HHIPL1: variants seen among roughly 807,000 people sequenced by gnomAD.
HHIPL1 encodes the protein HHIP like 1.
Under a neutral mutation model 61.8 loss-of-function variants are expected in HHIPL1, and 43 were observed. The observed-to-expected ratio is 0.70, with a 90% confidence interval of 0.55 to 0.90. The LOEUF is 0.90. HHIPL1 is among the 40% of genes least tolerant of loss of function. The probability of loss-of-function intolerance (pLI) is 0.00; values close to 1 mark genes in which losing one functional copy is unlikely to be tolerated. For synonymous variants in HHIPL1, 482 were observed against 515.8 expected, an observed-to-expected ratio of 0.93 and a Z score of 0.89; for missense variants, 1,056 against 1,157.7, an observed-to-expected ratio of 0.91 and a Z score of 1.28.
At chr14:99,656,582 C>A (rs970151397) in intron 2 of HHIPL1, among the ~76,000 whole-genome samples, 1 of 151,912 alleles carries the variant, frequency 6.6e-6, no homozygotes, top group South Asian at 2.1e-4. Flanking sequence ...TTGAGACCAA[C>A]CTGGCCAACA....
chr14:99,639,823 G>A, the HHIPL1 span, among the ~76,000 whole-genome samples: 4 of 149,062 alleles, frequency 2.7e-5, no homozygotes, highest in African/African-American at 7.5e-5. Flanking sequence ...TACCACGCCC[G>A]GCTAATTTTT....
the HHIPL1 span, among the ~76,000 whole-genome samples, chr14:99,630,614 G>A: frequency 2.6e-5 from 4 of 152,228 alleles, no homozygotes; most frequent in South Asian, 2.1e-4. Context: ...AAGAGGTGAC[G>A]GAGGGGAAGG....
chr14:99,613,971 T>C, the HHIPL1 span, among the ~76,000 whole-genome samples: 1 of 151,794 alleles, frequency 6.6e-6, no homozygotes, highest in Non-Finnish European at 1.5e-5. Flanking sequence ...ACTCAGTAAA[T>C]GTTTGTTGAA....
chr14:99,620,399 C>G, the HHIPL1 span, among the ~76,000 whole-genome samples: 1 of 152,240 alleles, frequency 6.6e-6, no homozygotes, highest in African/African-American at 2.4e-5. Context: ...CCTGCCCTGA[C>G]CTGGGCTTCT....
the HHIPL1 span, among the ~76,000 whole-genome samples, chr14:99,628,034 G>A: frequency 6.6e-6 from 1 of 152,196 alleles, no homozygotes; most frequent in African/African-American, 2.4e-5. Context: ...AGAGGGGGAT[G>A]GATTGGAGGG....
rs1400007030 is a variant in HHIPL1 at position 99,668,571 on chromosome 14, G to A, written c.1730+268G>A. ...GAGGTGACTGGGGCCGCGGGCCGAGGCTTCACTTGGCTTTCTTGCCTGGCC... is the reference window on the plus strand; with the variant it reads ...GAGGTGACTGGGGCCGCGGGCCGAGACTTCACTTGGCTTTCTTGCCTGGCC... On this transcript the variant is annotated intron_variant, in intron 7 of 8. Coordinates refer to ENST00000330710, the MANE Select transcript of HHIPL1 (RefSeq NM_001127258.3). The surrounding 1 kb of genome is among the most constrained non-coding windows in gnomAD (Gnocchi z 4.7). Among the ~76,000 whole-genome samples the A allele has an allele frequency of 6.6e-6, 1 of 152,096 alleles. No homozygotes were observed. Among genetic ancestry groups the A allele is most frequent in the Non-Finnish European group, 1.5e-5 (1 of 67,994 alleles).
At chr14:99,610,585 C>A in the HHIPL1 span, among the ~76,000 whole-genome samples, 1 of 152,150 alleles carries the variant, frequency 6.6e-6, no homozygotes, top group Non-Finnish European at 1.5e-5. Flanking sequence ...CATGACAAAA[C>A]CCCCATCTCC....
rs2056285481 is a variant in HHIPL1, at chr14:99,668,624, A to G, written c.1730+321A>G. On this transcript the variant is annotated intron_variant, in intron 7 of 8. Transcript: ENST00000330710. The surrounding 1 kb of genome is among the most constrained non-coding windows in gnomAD (Gnocchi z 4.7). ...CCCTCCCTGCGTCTTCCTCCTGTCT[A>G]GCAGGCCCCTCATTCCTCATTTCCT... 6.6e-6 allele frequency among the ~76,000 whole-genome samples: 1 copy of G among 151,976 alleles called. No individual in the cohort carries two copies.
upstream of HHIPL1, among the ~76,000 whole-genome samples, chr14:99,643,941 T>G (rs1053408431): frequency 3.3e-5 from 5 of 152,238 alleles, no homozygotes; most frequent in African/African-American, 1.2e-4. Flanking sequence ...TGGGGACTGT[T>G]CCTACTGTTG....
the HHIPL1 span, among the ~76,000 whole-genome samples, chr14:99,615,712 G>GGAAA: frequency 6.7e-6 from 1 of 148,328 alleles, no homozygotes; most frequent in South Asian, 2.1e-4. Context: ...AAAGAAAGAA[G>GGAAA]GAAAGAAAGA....
At chr14:99,654,371 G>A (rs2055993800) in intron 2 of HHIPL1, among the ~76,000 whole-genome samples, 2 of 152,146 alleles carry the variant, frequency 1.3e-5, no homozygotes, top group Admixed American at 6.5e-5. Flanking sequence ...TAATTGGCCT[G>A]GGCAGGAGGA....
chr14:99,671,659 GC>G (rs1194259135), intron 7 of HHIPL1, among the ~76,000 whole-genome samples: 1 of 152,158 alleles, frequency 6.6e-6, no homozygotes, highest in East Asian at 1.9e-4. Context: ...TCCCTATTGT[GC>G]CCTTAAAAAT....
At chr14:99,613,801 C>G in the HHIPL1 span, among the ~76,000 whole-genome samples, 1 of 151,994 alleles carries the variant, frequency 6.6e-6, no homozygotes. Flanking sequence ...ATCCCAGCTA[C>G]TCAGGATGCT....
chr14:99,660,289 TGCCGATTTTC>T lies in HHIPL1; in HGVS notation c.1389_1398del (p.Ile464ThrfsTer23). 1.9e-6 allele frequency: 3 copies of T among 1,614,038 alleles called. No individual in the cohort carries two copies. Among genetic ancestry groups the T allele is most frequent in the South Asian group, 2.2e-5 (2 of 91,074 alleles). On this transcript the variant is annotated frameshift_variant, in exon 5 of 9. Transcript: ENST00000330710. LOFTEE classifies it high-confidence loss of function. The surrounding 1 kb of genome is among the most constrained non-coding windows in gnomAD (Gnocchi z 4.9). ...CCCTCCCACCCCGCAGATGACTTGC[TGCCGATTTTC>T]GCCTACCCGCACACGGTTGGCAAGT...
chr14:99,637,466 G>A, the HHIPL1 span, among the ~76,000 whole-genome samples: 1 of 149,850 alleles, frequency 6.7e-6, no homozygotes, highest in Admixed American at 6.6e-5. Context: ...CAGCTACTTG[G>A]GAGGCTGAGG....
At chr14:99,607,401 G>T in the HHIPL1 span, among the ~76,000 whole-genome samples, 5 of 152,032 alleles carry the variant, frequency 3.3e-5, no homozygotes, top group South Asian at 1.0e-3. Flanking sequence ...AGGTGCCCAG[G>T]GAAAGTAGCT....
chr14:99,671,984 G>A (rs961404518), intron 7 of HHIPL1, among the ~76,000 whole-genome samples: 7 of 152,330 alleles, frequency 4.6e-5, no homozygotes, highest in Non-Finnish European at 1.0e-4. Flanking sequence ...GGCTGTGGGA[G>A]GAGAGAGACT....
chr14:99,612,563 G>C, the HHIPL1 span, among the ~76,000 whole-genome samples: 1 of 152,184 alleles, frequency 6.6e-6, no homozygotes, highest in Non-Finnish European at 1.5e-5. Flanking sequence ...TTATAATTAC[G>C]GGGTTTACAT....
intron 6 of HHIPL1, among the ~76,000 whole-genome samples, chr14:99,664,398 T>C (rs2056207540): frequency 6.6e-6 from 1 of 152,142 alleles, no homozygotes; most frequent in African/African-American, 2.4e-5. Flanking sequence ...GTTAATGTGT[T>C]TTAGAAGCAG....
Sources: allele counts gnomAD v4.1 joint callset (sites outside exome capture counted in the v4.1 genomes callset), GRCh38; gene constraint gnomAD v4.1.1; non-coding constraint Gnocchi (gnomAD v3.1); transcripts MANE v1.5; gene names NCBI Gene and HGNC (gene_info 2026-07-23, HGNC 2026-07-21).